Variants in CACNA2D3 observed in about 807,000 individuals in gnomAD.
The protein encoded by CACNA2D3 is voltage-dependent calcium channel subunit alpha-2/delta-3.
Under a neutral mutation model 160.6 loss-of-function variants are expected in CACNA2D3, and 60 were observed. That is an observed-to-expected ratio of 0.37 (90% CI 0.30 to 0.46). CACNA2D3 has a LOEUF of 0.46. CACNA2D3 is among the 20% of genes least tolerant of loss of function. CACNA2D3 has a pLI of 1.00. For missense variants in CACNA2D3, 1,205 were observed against 1,365.0 expected, an observed-to-expected ratio of 0.88 and a Z score of 1.85; for synonymous variants, 558 against 492.9, an observed-to-expected ratio of 1.13 and a Z score of -1.75.
At chr3:54,472,697 A>G (rs1700755180) in intron 4 of CACNA2D3, among the ~76,000 whole-genome samples, 1 of 152,232 alleles carries the variant, frequency 6.6e-6, no homozygotes, top group Non-Finnish European at 1.5e-5. Flanking sequence ...GTCTCAGGAT[A>G]CAAAATCAAT....
intron 27 of CACNA2D3, among the ~76,000 whole-genome samples, chr3:54,903,458 T>C (rs1357370987): frequency 6.6e-6 from 1 of 152,230 alleles, no homozygotes; most frequent in Non-Finnish European, 1.5e-5. Context: ...AGTCTATCAT[T>C]GATGGGCATT....
chr3:54,904,988 C>T (rs1348894765), intron 27 of CACNA2D3, among the ~76,000 whole-genome samples: 2 of 152,138 alleles, frequency 1.3e-5, no homozygotes, highest in African/African-American at 2.4e-5. Flanking sequence ...TTCTGAGGTC[C>T]GGGCATCTAA....
chr3:54,158,488 C>G (rs748351965), intron 2 of CACNA2D3, among the ~76,000 whole-genome samples: 4 of 152,172 alleles, frequency 2.6e-5, no homozygotes, highest in Admixed American at 6.5e-5. Context: ...TGTGTCTTCT[C>G]TCCAGGATAA....
intron 5 of CACNA2D3, among the ~76,000 whole-genome samples, chr3:54,532,740 C>T (rs115494173): frequency 1.9e-3 from 289 of 152,194 alleles, no homozygotes; most frequent in Non-Finnish European, 3.2e-3. Flanking sequence ...TTTGTTATTG[C>T]GAATAGTGCT....
intron 29 of CACNA2D3, among the ~76,000 whole-genome samples, chr3:54,974,090 A>C (rs1702332591): frequency 6.6e-6 from 1 of 152,208 alleles, no homozygotes; most frequent in African/African-American, 2.4e-5. Flanking sequence ...AACAAAAGGC[A>C]AAAAGCAGCA....
chr3:54,434,299 G>A (rs974156323), intron 4 of CACNA2D3, among the ~76,000 whole-genome samples: 13 of 152,148 alleles, frequency 8.5e-5, no homozygotes, highest in Admixed American at 7.9e-4. Flanking sequence ...ACTGAATACG[G>A]CGATGAAAGT....
intron 9 of CACNA2D3, among the ~76,000 whole-genome samples, chr3:54,599,578 G>A (rs887997595): frequency 4.6e-5 from 7 of 151,978 alleles, no homozygotes; most frequent in Non-Finnish European, 1.0e-4. Flanking sequence ...GGTGCTTCAC[G>A]TAAATAAATA....
intron 3 of CACNA2D3, among the ~76,000 whole-genome samples, chr3:54,329,490 G>A (rs1293404416): frequency 2.0e-5 from 3 of 152,224 alleles, no homozygotes; most frequent in Non-Finnish European, 4.4e-5. Context: ...GGACTTTCCA[G>A]AATCCTCCAC....
rs138945901 is a variant in CACNA2D3, at chr3:54,809,623, CTTCT to C, written c.1381-7210_1381-7207del. On this transcript the variant is annotated intron_variant, in intron 13 of 37. Coordinates refer to ENST00000474759, the MANE Select transcript of CACNA2D3 (RefSeq NM_018398.3). ...GTGAGCCACCGCGCCCGGCCCCTTC[CTTCT>C]TTCTTTCTTTCTTTCTTTCATTCTT... Among the ~76,000 whole-genome samples, 153 of 148,632 alleles carry C rather than the reference CTTCT, an allele frequency of 1.0e-3. 2 individuals are homozygous for C. Among genetic ancestry groups the C allele is most frequent in the African/African-American group, 2.3e-3 (87 of 38,618 alleles).
intron 11 of CACNA2D3, among the ~76,000 whole-genome samples, chr3:54,707,603 T>C (rs1352823899): frequency 2.0e-5 from 3 of 152,160 alleles, no homozygotes; most frequent in Admixed American, 6.6e-5. Flanking sequence ...GGAATTTTCT[T>C]TGTAGTCCCA....
At chr3:54,540,654 TGTGTCCTCAGATGGCA>T in intron 5 of CACNA2D3, among the ~76,000 whole-genome samples, 1 of 152,170 alleles carries the variant, frequency 6.6e-6, no homozygotes, top group Non-Finnish European at 1.5e-5. Context: ...GTTTTCTTCC[TGTGTCCTCAGATGGCA>T]GTAAACAAGC....
intron 17 of CACNA2D3, among the ~76,000 whole-genome samples, chr3:54,857,129 A>G (rs200308888): frequency 6.6e-6 from 1 of 152,158 alleles, no homozygotes; most frequent in East Asian, 1.9e-4. Flanking sequence ...AACTGTGGAG[A>G]CTGGTCCAGG....
chr3:54,635,065 C>T lies in CACNA2D3; in HGVS notation c.1054-7063C>T, dbSNP rs186889837. ...GGGCTGCTTCAAGCGGGATTAGGGG[C>T]GGTGTGGGAACCTAGAGTCGGAGAG... On this transcript the variant is annotated intron_variant, in intron 10 of 37. Coordinates refer to ENST00000474759, the MANE Select transcript of CACNA2D3 (RefSeq NM_018398.3). Among the ~76,000 whole-genome samples the T allele has an allele frequency of 7.3e-4, 110 of 151,714 alleles. 1 individual carries two copies. The highest frequency in any genetic ancestry group is 2.4e-3 in the African/African-American group (98 of 41,218).
intron 4 of CACNA2D3, among the ~76,000 whole-genome samples, chr3:54,479,354 A>T (rs1371556231): frequency 6.6e-6 from 1 of 152,146 alleles, no homozygotes; most frequent in Non-Finnish European, 1.5e-5. Flanking sequence ...GAACTAATAC[A>T]ATAGGGTTCA....
chr3:54,230,585 G>A (rs1288596506), intron 2 of CACNA2D3, among the ~76,000 whole-genome samples: 1 of 152,196 alleles, frequency 6.6e-6, no homozygotes, highest in African/African-American at 2.4e-5. Context: ...GGCAAACTCT[G>A]TTGGACTCTG....
At chr3:54,214,069 C>G (rs1701422527) in intron 2 of CACNA2D3, among the ~76,000 whole-genome samples, 1 of 152,158 alleles carries the variant, frequency 6.6e-6, no homozygotes, top group Non-Finnish European at 1.5e-5. Flanking sequence ...TGCTGGAGGT[C>G]AGGTCTTGTT....
In CACNA2D3 at chr3:54,258,940, A is replaced by C. The variant is rs578185937; in HGVS notation, c.205-61502A>C. ...ATACAGCACATAACCTTGTTAACTCATGTCTCTGCCATACTGGACTGAGGT... is the reference window on the plus strand; with the variant it reads ...ATACAGCACATAACCTTGTTAACTCCTGTCTCTGCCATACTGGACTGAGGT... On this transcript the variant is annotated intron_variant, in intron 2 of 37. Transcript: ENST00000474759. Among the ~76,000 whole-genome samples, 39 of 152,334 alleles carry C rather than the reference A, an allele frequency of 2.6e-4. 1 individual carries two copies. The South Asian group carries it at 7.9e-3, about 31-fold the overall frequency.
rs543191812 is a variant in CACNA2D3, at chr3:54,846,294, A to G, written c.1552-99A>G. On this transcript the variant is annotated intron_variant, in intron 16 of 37. Transcript: ENST00000474759. Reference sequence around the variant, plus strand: ...GTGCTGATAAGGGTTATGAATGACAAGTTAAAGCTGTAAATTACTAAATGC... The same window carrying G: ...GTGCTGATAAGGGTTATGAATGACAGGTTAAAGCTGTAAATTACTAAATGC... 1.9e-4 allele frequency: 131 copies of G among 697,392 alleles called. 1 individual carries two copies. In the East Asian group the frequency reaches 3.6e-3, roughly 19 times the overall value. 43.2% of individuals were successfully genotyped at this position (697,392 alleles called of 1,614,324 possible). A position where few individuals can be genotyped will look rare whatever the true frequency, so the allele number is the denominator to read the frequency against.
At chr3:54,557,476 C>G (rs929039911) in intron 5 of CACNA2D3, among the ~76,000 whole-genome samples, 1 of 152,096 alleles carries the variant, frequency 6.6e-6, no homozygotes, top group Non-Finnish European at 1.5e-5. Context: ...CAAAACTGGG[C>G]AAATCCCAGT....
Sources: allele counts gnomAD v4.1 joint callset (sites outside exome capture counted in the v4.1 genomes callset), GRCh38; gene constraint gnomAD v4.1.1; transcripts MANE v1.5; gene names NCBI Gene and HGNC (gene_info 2026-07-23, HGNC 2026-07-21).